PLXNA4: variants seen among roughly 807,000 people sequenced by gnomAD.
PLXNA4 encodes the protein plexin-A4.
In PLXNA4, 44 loss-of-function variants were observed where a neutral mutation model predicts 191.8. The observed-to-expected ratio is 0.23, with a 90% CI of 0.18 to 0.29. The LOEUF (loss-of-function observed/expected upper bound fraction) is 0.29. Ranked by LOEUF, PLXNA4 falls within the 10% of genes least tolerant of loss-of-function variation. The pLI, the probability that PLXNA4 is intolerant of heterozygous loss-of-function variation, is 1.00. For synonymous variants in PLXNA4, 1,082 were observed against 1,009.5 expected, an observed-to-expected ratio of 1.07 and a Z score of -1.36; for missense variants, 1,800 against 2,488.8, an observed-to-expected ratio of 0.72 and a Z score of 5.89.
At position 132,223,569 on chromosome 7, in the gene PLXNA4, G is replaced by A. The variant is rs1798213576; in HGVS notation, c.2055C>T (p.Pro685=). The stretch of plus-strand genomic sequence containing the variant: ...GGCCTTCCTGGAAGGAGCAGGTCTT[G>A]GGGTCATGGGTGCAGACATGCCGGT... ...CKYRHVCTHD[P]KTCSFQEGRV... The change falls in exon 9 of 32, where the codon CCC becomes CCT. Residue 685 remains proline (P), a synonymous_variant. Transcript: ENST00000321063. The A allele has an allele frequency of 3.7e-6, 6 of 1,613,690 alleles. No homozygotes were observed. In the Admixed American group the frequency reaches 8.3e-5, roughly 22 times the overall value.
Position 132,202,878 on chromosome 7 carries a change from GC to G in PLXNA4, c.2396-43del, listed in dbSNP as rs768901656. 1.7e-5 allele frequency: 25 copies of G among 1,482,746 alleles called. No individual in the cohort carries two copies. In the East Asian group the frequency reaches 6.1e-4, roughly 36 times the overall value. The allele number at this position is 1,482,746 out of a possible 1,614,324, so 91.8% of individuals were successfully genotyped here. A position where few individuals can be genotyped will look rare whatever the true frequency, so the allele number is the denominator to read the frequency against. On this transcript the variant is annotated intron_variant, in intron 11 of 31. Transcript: ENST00000321063. ...CAAGGACAAGGGGTGCTTGGGAATG[GC>G]AGTGGGGACAGAAGGGGCCCAGAGA...
At chr7:132,437,242 T>C (rs1319272885) in intron 3 of PLXNA4, among the ~76,000 whole-genome samples, 2 of 152,284 alleles carry the variant, frequency 1.3e-5, no homozygotes, top group South Asian at 2.1e-4. Flanking sequence ...CAATCAGAAG[T>C]GCAATAGTCA....
rs567101462 is a variant in PLXNA4 at position 132,358,832 on chromosome 7, C to T, written c.1372-60610G>A. 7.9e-5 allele frequency among the ~76,000 whole-genome samples: 12 copies of T among 152,242 alleles called. No homozygotes were observed. The East Asian group carries it at 2.1e-3, about 27-fold the overall frequency. ...AGGGCTAGGGTGGGCTTGCTCAGGA[C>T]AGAGCAGGGTGATTGAGACTTGAAG... is the stretch of plus-strand genomic sequence containing the variant. On this transcript the variant is annotated intron_variant, in intron 3 of 31. Coordinates refer to ENST00000321063, the MANE Select transcript of PLXNA4 (RefSeq NM_020911.2).
chr7:132,387,231 G>T (rs1170120422), intron 3 of PLXNA4, among the ~76,000 whole-genome samples: 1 of 152,206 alleles, frequency 6.6e-6, no homozygotes, highest in Non-Finnish European at 1.5e-5. Context: ...AGAATCTCAG[G>T]CTCCACCTCA....
intron 3 of PLXNA4, among the ~76,000 whole-genome samples, chr7:132,418,914 C>T (rs1794753089): frequency 1.3e-5 from 2 of 152,272 alleles, no homozygotes; most frequent in East Asian, 1.9e-4. Flanking sequence ...TTGTTCCCAT[C>T]GATCACTATT....
At chr7:132,611,582 G>C (rs181948420) in intron 2 of PLXNA4, among the ~76,000 whole-genome samples, 10 of 152,186 alleles carry the variant, frequency 6.6e-5, no homozygotes, top group Admixed American at 6.5e-5. Flanking sequence ...CCAAAGGTGG[G>C]GGAATTTATT....
chr7:132,366,896 G>A (rs1015013612), intron 3 of PLXNA4, among the ~76,000 whole-genome samples: 4 of 152,110 alleles, frequency 2.6e-5, no homozygotes, highest in African/African-American at 9.7e-5. Flanking sequence ...TGAGTAGCTG[G>A]AACCACAGAC....
intron 4 of PLXNA4, among the ~76,000 whole-genome samples, chr7:132,248,049 G>T (rs1277614713): frequency 4.6e-5 from 7 of 152,162 alleles, no homozygotes; most frequent in Admixed American, 3.9e-4. Context: ...CCACTTCTTG[G>T]CTTTGGGCAT....
At chr7:132,371,208 A>T (rs1171825413) in intron 3 of PLXNA4, among the ~76,000 whole-genome samples, 8 of 152,118 alleles carry the variant, frequency 5.3e-5, no homozygotes, top group Non-Finnish European at 7.4e-5. Flanking sequence ...ACCAGGTTTT[A>T]AGTCCTTTGG....
chr7:132,137,386 T>C (rs1795143367), intron 30 of PLXNA4, among the ~76,000 whole-genome samples: 1 of 144,746 alleles, frequency 6.9e-6, no homozygotes. Flanking sequence ...ACCTTTCAAC[T>C]CTTCCAAGTT....
chr7:132,509,635 C>T (rs1217044614), intron 1 of PLXNA4, among the ~76,000 whole-genome samples: 1 of 152,186 alleles, frequency 6.6e-6, no homozygotes, highest in South Asian at 2.1e-4. Context: ...CATCTCAGTT[C>T]ACCCCAACCT....
chr7:132,132,558 TTCTAC>T, intron 31 of PLXNA4, among the ~76,000 whole-genome samples: 1 of 151,180 alleles, frequency 6.6e-6, no homozygotes, highest in Non-Finnish European at 1.5e-5. Context: ...TTCTATTCTA[TTCTAC>T]TCCGTTCCAT....
intron 2 of PLXNA4, among the ~76,000 whole-genome samples, chr7:132,590,599 G>A (rs964126225): frequency 1.3e-5 from 2 of 152,178 alleles, no homozygotes; most frequent in African/African-American, 4.8e-5. Flanking sequence ...GGAGAAAGAT[G>A]TAGGCCAGAA....
chr7:132,569,429 G>A (rs953197170), intron 1 of PLXNA4, among the ~76,000 whole-genome samples: 1 of 152,178 alleles, frequency 6.6e-6, no homozygotes, highest in African/African-American at 2.4e-5. Flanking sequence ...GACAGGCAGG[G>A]GCACAAGGCC....
intron 2 of PLXNA4, among the ~76,000 whole-genome samples, chr7:132,620,971 C>T (rs1167887798): frequency 6.6e-6 from 1 of 152,110 alleles, no homozygotes; most frequent in Non-Finnish European, 1.5e-5. Flanking sequence ...GCTGTATCCT[C>T]GCAGGGCAGA....
At chr7:132,382,782 A>G (rs1192611959) in intron 3 of PLXNA4, among the ~76,000 whole-genome samples, 1 of 152,210 alleles carries the variant, frequency 6.6e-6, no homozygotes, top group African/African-American at 2.4e-5. Flanking sequence ...ATATTGTCTG[A>G]GCTACCAATA....
At chr7:132,479,907 C>T (rs1314442541) in intron 3 of PLXNA4, among the ~76,000 whole-genome samples, 2 of 152,196 alleles carry the variant, frequency 1.3e-5, no homozygotes, top group African/African-American at 2.4e-5. Flanking sequence ...ATCCACCCTC[C>T]TCGGCCTCCC....
intron 13 of PLXNA4, among the ~76,000 whole-genome samples, chr7:132,198,107 T>C (rs1336380790): frequency 6.6e-6 from 1 of 152,010 alleles, no homozygotes; most frequent in African/African-American, 2.4e-5. Context: ...CCACAGAGAG[T>C]AGCACAGGAT....
Position 132,332,854 on chromosome 7 carries a change from T to A in PLXNA4, c.1372-34632A>T, listed in dbSNP as rs1802648001. ...CAACATGGGTGACAGAGTAAGCCCC[T>A]GTCTCAAAAAAAGAAAAAAAAAAAA... On this transcript the variant is annotated intron_variant, in intron 3 of 31. Coordinates refer to ENST00000321063, the MANE Select transcript of PLXNA4 (RefSeq NM_020911.2). Among the ~76,000 whole-genome samples, 4 of 146,214 alleles carry A rather than the reference T, an allele frequency of 2.7e-5. No individual in the cohort carries two copies. The South Asian group carries it at 8.8e-4, about 32-fold the overall frequency.
Sources: allele counts gnomAD v4.1 joint callset (sites outside exome capture counted in the v4.1 genomes callset), GRCh38; gene constraint gnomAD v4.1.1; transcripts MANE v1.5; gene names NCBI Gene and HGNC (gene_info 2026-07-23, HGNC 2026-07-21).